The following NAALADL2 variants were observed in gnomAD, a reference collection of about 807,000 sequenced individuals.
The protein encoded by NAALADL2 is inactive N-acetylated-alpha-linked acidic dipeptidase-like protein 2.
Under a neutral mutation model 87.2 loss-of-function variants are expected in NAALADL2, and 76 were observed. The observed-to-expected ratio is 0.87, with a 90% CI of 0.72 to 1.05. The LOEUF is 1.05. Among genes scored for constraint, NAALADL2 ranks in the 50% least tolerant of loss-of-function variants. The probability of loss-of-function intolerance (pLI) is 0.00; values close to 1 mark genes in which losing one functional copy is unlikely to be tolerated. For missense variants in NAALADL2, 1,089 were observed against 945.8 expected, an observed-to-expected ratio of 1.15 and a Z score of -1.99; for synonymous variants, 354 against 331.0, an observed-to-expected ratio of 1.07 and a Z score of -0.75.
chr3:174,580,316 G>A (rs915350005), intron 2 of NAALADL2, among the ~76,000 whole-genome samples: 2 of 152,082 alleles, frequency 1.3e-5, no homozygotes, highest in Admixed American at 6.5e-5. Flanking sequence ...TCATAATTAT[G>A]TCAAAAATAT....
chr3:174,626,190 A>T (rs1211270309), intron 2 of NAALADL2, among the ~76,000 whole-genome samples: 1 of 151,284 alleles, frequency 6.6e-6, no homozygotes, highest in Non-Finnish European at 1.5e-5. Context: ...AAGATTTAGT[A>T]ATGAGATTTC....
intron 1 of NAALADL2, among the ~76,000 whole-genome samples, chr3:175,079,967 A>G (rs974403190): frequency 2.7e-5 from 4 of 147,986 alleles, no homozygotes; most frequent in Non-Finnish European, 4.4e-5. Context: ...CTAGAAATAT[A>G]GACTTTTTTT....
At chr3:175,443,021 C>T (rs375491817) in intron 5 of NAALADL2, among the ~76,000 whole-genome samples, 1 of 152,154 alleles carries the variant, frequency 6.6e-6, no homozygotes, top group Non-Finnish European at 1.5e-5. Context: ...TTCAAAACCT[C>T]TTAATAATGT....
At chr3:175,072,868 A>G (rs893187439) in intron 1 of NAALADL2, among the ~76,000 whole-genome samples, 2 of 152,022 alleles carry the variant, frequency 1.3e-5, no homozygotes, top group African/African-American at 4.8e-5. Flanking sequence ...AAAATGGAAA[A>G]GTTAATAAAT....
At chr3:174,748,628 G>A (rs1442652906) in intron 3 of NAALADL2, among the ~76,000 whole-genome samples, 4 of 152,138 alleles carry the variant, frequency 2.6e-5, no homozygotes, top group African/African-American at 9.7e-5. Context: ...AAAGATGCCA[G>A]CATTGTTTTG....
intron 1 of NAALADL2, among the ~76,000 whole-genome samples, chr3:174,450,412 G>A (rs560794529): frequency 6.6e-6 from 1 of 152,332 alleles, no homozygotes; most frequent in Admixed American, 6.5e-5. Context: ...TAGGAAGCAG[G>A]TGGTTGCCTA....
At chr3:174,734,777 T>G (rs1244148785) in intron 2 of NAALADL2, among the ~76,000 whole-genome samples, 2 of 152,168 alleles carry the variant, frequency 1.3e-5, no homozygotes, top group East Asian at 3.8e-4. Flanking sequence ...CTTAAGCACC[T>G]TTTTCTCTAA....
chr3:175,080,032 C>A (rs1009777253), intron 1 of NAALADL2, among the ~76,000 whole-genome samples: 1 of 150,876 alleles, frequency 6.6e-6, no homozygotes, highest in Non-Finnish European at 1.5e-5. Context: ...GTGGAGCGAT[C>A]TCGGCTCACT....
intron 6 of NAALADL2, among the ~76,000 whole-genome samples, chr3:175,453,842 T>C (rs1306863501): frequency 6.6e-6 from 1 of 152,150 alleles, no homozygotes; most frequent in Non-Finnish European, 1.5e-5. Context: ...ACTGTGAATA[T>C]AAATTTGTCC....
At chr3:174,985,904 A>G (rs1213205601) in intron 1 of NAALADL2, among the ~76,000 whole-genome samples, 1 of 152,032 alleles carries the variant, frequency 6.6e-6, no homozygotes, top group Non-Finnish European at 1.5e-5. Context: ...ATGAGCTGAG[A>G]TCACGCCATT....
At chr3:174,882,512 CAT>C (rs1275134412) in intron 1 of NAALADL2, among the ~76,000 whole-genome samples, 1 of 145,760 alleles carries the variant, frequency 6.9e-6, no homozygotes, top group Admixed American at 6.7e-5. Context: ...TGTGTATATA[CAT>C]ATGTGCATAT....
At chr3:175,038,102 T>C (rs747852331) in intron 1 of NAALADL2, among the ~76,000 whole-genome samples, 19 of 152,122 alleles carry the variant, frequency 1.2e-4, no homozygotes, top group Non-Finnish European at 1.6e-4. Context: ...GCCTAGATGT[T>C]TTTTTCTTAG....
chr3:175,348,363 G>A (rs1581524217), intron 5 of NAALADL2, among the ~76,000 whole-genome samples: 1 of 152,112 alleles, frequency 6.6e-6, no homozygotes, highest in Non-Finnish European at 1.5e-5. Context: ...ACTTAGTAAT[G>A]TTCCTAATTT....
chr3:175,081,706 T>G (rs1448925472), intron 1 of NAALADL2, among the ~76,000 whole-genome samples: 1 of 152,208 alleles, frequency 6.6e-6, no homozygotes, highest in Admixed American at 6.5e-5. Context: ...GTTGAAGCCC[T>G]CTTTAACCTA....
chr3:174,791,474 C>A (rs1229117395), intron 3 of NAALADL2, among the ~76,000 whole-genome samples: 1 of 152,214 alleles, frequency 6.6e-6, no homozygotes, highest in Admixed American at 6.5e-5. Context: ...GATGCAGAAT[C>A]TACATGGGCT....
chr3:174,509,954 T>C (rs866179482), intron 1 of NAALADL2, among the ~76,000 whole-genome samples: 6 of 152,302 alleles, frequency 3.9e-5, no homozygotes, highest in Middle Eastern at 3.4e-3. Context: ...TTATCATGAA[T>C]AGGTGTCAAA....
chr3:175,044,077 T>C (rs1461782671), intron 1 of NAALADL2, among the ~76,000 whole-genome samples: 2 of 152,190 alleles, frequency 1.3e-5, no homozygotes, highest in East Asian at 3.9e-4. Flanking sequence ...GTTTTCATCA[T>C]ACCTGTTTGG....
At chr3:174,561,511 A>G (rs1225502366) in intron 2 of NAALADL2, among the ~76,000 whole-genome samples, 1 of 152,068 alleles carries the variant, frequency 6.6e-6, no homozygotes. Context: ...CAGGATTCTT[A>G]CTTAACTCAG....
intron 1 of NAALADL2, among the ~76,000 whole-genome samples, chr3:174,940,336 A>T (rs1738387838): frequency 6.6e-6 from 1 of 152,194 alleles, no homozygotes; most frequent in Non-Finnish European, 1.5e-5. Context: ...ATGTAGAACC[A>T]ATCTTGCATC....
Sources: gnomAD v4.1 joint callset for allele counts (sites outside exome capture counted in the v4.1 genomes callset) on GRCh38, gnomAD v4.1.1 for gene constraint, MANE v1.5 for transcripts, NCBI Gene and HGNC (gene_info 2026-07-23, HGNC 2026-07-21) for gene names.